The following NAP1L4 variants were observed in gnomAD, a reference collection of about 807,000 sequenced individuals.
The protein encoded by NAP1L4 is nucleosome assembly protein 1-like 4.
NAP1L4 carries 15 observed loss-of-function variants against 58.2 expected under a neutral mutation model. The observed-to-expected ratio is 0.26, with a 90% CI of 0.17 to 0.40. The LOEUF (loss-of-function observed/expected upper bound fraction) is 0.40. NAP1L4 is among the 10% of genes least tolerant of loss of function. The pLI is 1.00. For missense variants in NAP1L4, 384 were observed against 451.1 expected, an observed-to-expected ratio of 0.85 and a Z score of 1.35; for synonymous variants, 171 against 155.6, an observed-to-expected ratio of 1.10 and a Z score of -0.74.
intron 10 of NAP1L4, among the ~76,000 whole-genome samples, chr11:2,957,845 T>C (rs915670810): frequency 1.3e-5 from 2 of 152,172 alleles, no homozygotes; most frequent in Non-Finnish European, 2.9e-5. Flanking sequence ...AATATATAAA[T>C]TCCAAAAAAT....
At position 2,959,028 on chromosome 11, in the gene NAP1L4, C is replaced by T. The variant is rs1422567459; in HGVS notation, c.747-484G>A. The T allele has an allele frequency of 1.2e-5, 2 of 166,176 alleles. No individual in the cohort carries two copies. The highest frequency in any genetic ancestry group is 4.8e-5 in the African/African-American group (2 of 41,568). The allele number at this position is 166,176 out of a possible 1,614,324, so 10.3% of individuals were successfully genotyped here. A position where few individuals can be genotyped will look rare whatever the true frequency, so the allele number is the denominator to read the frequency against. On this transcript the variant is annotated intron_variant, in intron 9 of 15. Transcript: ENST00000380542. The surrounding 1 kb of genome is among the most constrained non-coding windows in gnomAD (Gnocchi z 4.9). ...TGGCGAGGGCTGAGCACAGCACGCT[C>T]TCTCTAACACACAATCACCACAGAC...
rs1247898097 is a variant in NAP1L4 at position 2,948,176 on chromosome 11, C to T, written c.*32+1051G>A. 6.6e-6 allele frequency among the ~76,000 whole-genome samples: 1 copy of T among 152,200 alleles called. No homozygotes were observed. Among genetic ancestry groups the T allele is most frequent in the Non-Finnish European group, 1.5e-5 (1 of 68,032 alleles). On this transcript the variant is annotated intron_variant, in intron 15 of 15. Transcript: ENST00000380542. This position sits in a 1 kb window ranked among gnomAD's most constrained non-coding sequence, Gnocchi z 5.1. ...ATAATTTTAAACATACAGCCATATTCTGAAACCTGGCCCTGGAAAACAAAA... is the reference window on the plus strand; with the variant it reads ...ATAATTTTAAACATACAGCCATATTTTGAAACCTGGCCCTGGAAAACAAAA...
In NAP1L4 at chr11:2,971,333, A is replaced by G. The variant is rs1847625369; in HGVS notation, c.402+115T>C. ...GAATCTAAACCCAACCTAATGATGC[A>G]GCAGCACCTACTGTTAGAAGCACAT... On this transcript the variant is annotated intron_variant, in intron 6 of 15. Coordinates refer to ENST00000380542, the MANE Select transcript of NAP1L4 (RefSeq NM_005969.4). The surrounding 1 kb of genome is among the most constrained non-coding windows in gnomAD (Gnocchi z 4.2). 2.4e-6 allele frequency: 2 copies of G among 832,784 alleles called. No homozygotes were observed. The highest frequency in any genetic ancestry group is 3.4e-5 in the African/African-American group (2 of 58,710). The allele number at this position is 832,784 out of a possible 1,614,324, so 51.6% of individuals were successfully genotyped here. A position where few individuals can be genotyped will look rare whatever the true frequency, so the allele number is the denominator to read the frequency against.
In NAP1L4 at chr11:2,946,856, G is replaced by A. The variant is rs1268283326; in HGVS notation, c.*33-1210C>T. On this transcript the variant is annotated intron_variant, in intron 15 of 15. Coordinates refer to ENST00000380542, the MANE Select transcript of NAP1L4 (RefSeq NM_005969.4). This position sits in a 1 kb window ranked among gnomAD's most constrained non-coding sequence, Gnocchi z 4.8. ...GGTAGACTGAAGGTGGCCCAGTGTA[G>A]TGGCCAAGAACACTGAGCCACTGGC... Among the ~76,000 whole-genome samples, 1 of 152,186 alleles carries A rather than the reference G, an allele frequency of 6.6e-6. No individual in the cohort carries two copies. Among genetic ancestry groups the A allele is most frequent in the Non-Finnish European group, 1.5e-5 (1 of 68,030 alleles).
chr11:2,951,383 A>T lies in NAP1L4; in HGVS notation c.1066-68T>A. On this transcript the variant is annotated intron_variant, in intron 13 of 15. Transcript: ENST00000380542. This position sits in a 1 kb window ranked among gnomAD's most constrained non-coding sequence, Gnocchi z 4.0. The stretch of plus-strand genomic sequence containing the variant: ...AACTCTTGTGGCATTCACAATCCAC[A>T]AACACAAGGAGCAAAACACTGCCTT... 1 of 1,387,190 alleles carries T rather than the reference A, an allele frequency of 7.2e-7. No individual in the cohort carries two copies. Among genetic ancestry groups the T allele is most frequent in the Non-Finnish European group, 1.0e-6 (1 of 974,670 alleles). 85.9% of individuals were successfully genotyped at this position (1,387,190 alleles called of 1,614,324 possible).
Position 2,961,497 on chromosome 11 carries a change from G to A in NAP1L4, c.607-1588C>T, listed in dbSNP as rs371792063. On this transcript the variant is annotated intron_variant, in intron 8 of 15. Transcript: ENST00000380542. ...GCCTATTTCTCTCCCAACCCTCCAC[G>A]GCTTAAAAAAAAAAAAAAAACCAAC... 2.4e-3 allele frequency among the ~76,000 whole-genome samples: 300 copies of A among 122,808 alleles called. 1 individual carries two copies. The highest frequency in any genetic ancestry group is 8.8e-3 in the African/African-American group (270 of 30,658). 80.6% of individuals were successfully genotyped at this position (122,808 alleles called of 152,430 possible).
chr11:2,951,118 C>T lies in NAP1L4; in HGVS notation c.1122+141G>A, dbSNP rs1846201440. On this transcript the variant is annotated intron_variant, in intron 14 of 15. Transcript: ENST00000380542. The surrounding 1 kb of genome is among the most constrained non-coding windows in gnomAD (Gnocchi z 4.0). ...ACACAGTGTCTGAATAATCATTCCA[C>T]TATTTTTCTGACACATTTTAAACTT... 2.8e-6 allele frequency: 2 copies of T among 706,668 alleles called. No homozygotes were observed. Among genetic ancestry groups the T allele is most frequent in the African/African-American group, 1.8e-5 (1 of 56,282 alleles). The allele number at this position is 706,668 out of a possible 1,614,324, so 43.8% of individuals were successfully genotyped here.
chr11:2,985,348 CAG>C (rs1848557496), intron 1 of NAP1L4, among the ~76,000 whole-genome samples: 1 of 152,170 alleles, frequency 6.6e-6, no homozygotes, highest in Admixed American at 6.5e-5. Context: ...ACCCTTAAAA[CAG>C]AAAGTTATAA....
At chr11:2,962,235 A>T (rs1393562020) in intron 8 of NAP1L4, among the ~76,000 whole-genome samples, 1 of 152,274 alleles carries the variant, frequency 6.6e-6, no homozygotes, top group Non-Finnish European at 1.5e-5. Context: ...TGCTGATCAT[A>T]ATGCAACAAT....
intron 7 of NAP1L4, among the ~76,000 whole-genome samples, chr11:2,965,793 G>A (rs1847241681): frequency 6.6e-6 from 1 of 152,186 alleles, no homozygotes; most frequent in Non-Finnish European, 1.5e-5. Flanking sequence ...GCCTCCCAAA[G>A]TGCTGGGATT....
intron 4 of NAP1L4, among the ~76,000 whole-genome samples, chr11:2,973,528 A>G (rs765151142): frequency 2.0e-5 from 3 of 152,134 alleles, no homozygotes; most frequent in Non-Finnish European, 4.4e-5. Flanking sequence ...TCACACACAC[A>G]TATCACTGGT....
intron 10 of NAP1L4, 172 bp downstream of exon 10, chr11:2,958,227 C>T (rs761598771): frequency 1.1e-4 from 79 of 725,756 alleles, no homozygotes; most frequent in Middle Eastern, 2.3e-4. Flanking sequence ...CTGCCCCCCG[C>T]GATAAACTTG....
At chr11:2,968,116 C>T (rs769125327) in intron 7 of NAP1L4, among the ~76,000 whole-genome samples, 3 of 152,152 alleles carry the variant, frequency 2.0e-5, no homozygotes, top group Non-Finnish European at 4.4e-5. Flanking sequence ...AACCAGAATC[C>T]GCACTGCCAT....
rs1846092297 is a variant in NAP1L4 at position 2,949,175 on chromosome 11, A to C, written c.*32+52T>G. ...TCAAAGTCAAAACAATGCATTGTAT[A>C]AAGTATAGATCAGAAGTTTGGAAGT... On this transcript the variant is annotated intron_variant, in intron 15 of 15. Transcript: ENST00000380542. This position sits in a 1 kb window ranked among gnomAD's most constrained non-coding sequence, Gnocchi z 4.0. The C allele has an allele frequency of 7.1e-7, 1 of 1,405,276 alleles. No homozygotes were observed. The highest frequency in any genetic ancestry group is 1.0e-6 in the Non-Finnish European group (1 of 996,488). 87.1% of individuals were successfully genotyped at this position (1,405,276 alleles called of 1,614,324 possible). A position where few individuals can be genotyped will look rare whatever the true frequency, so the allele number is the denominator to read the frequency against.
In NAP1L4 at chr11:2,945,592, C is replaced by G. The variant is rs142484647; in HGVS notation, c.*87G>C. 1.3e-6 allele frequency: 2 copies of G among 1,535,816 alleles called. No individual in the cohort carries two copies. The highest frequency in any genetic ancestry group is 3.9e-5 in the Admixed American group (2 of 50,974). On this transcript the variant is annotated 3_prime_UTR_variant, in exon 16 of 16. Transcript: ENST00000380542. ...GAGTCCCGACAGCCGGTCTGCCAGG[C>G]ACCCGCCTCCGCTTCCTACTGCTGC...
At chr11:2,987,006 T>A (rs1454876028) in intron 1 of NAP1L4, among the ~76,000 whole-genome samples, 1 of 151,950 alleles carries the variant, frequency 6.6e-6, no homozygotes, top group South Asian at 2.1e-4. Flanking sequence ...TCCAAGAGAG[T>A]CTGACCAGCC....
At chr11:2,950,946 T>C in intron 14 of NAP1L4, 1 of 291,930 alleles carries the variant, frequency 3.4e-6, no homozygotes, top group Non-Finnish European at 6.3e-6. Flanking sequence ...TTATTTATGT[T>C]GTCAGTTAAA....
intron 8 of NAP1L4, among the ~76,000 whole-genome samples, chr11:2,964,311 A>G (rs7127443): frequency 0.84 from 128,006 of 152,150 alleles, 54,293 homozygotes; most frequent in African/African-American, 0.94. Flanking sequence ...CTACAAGACC[A>G]AGGCCTGGCA....
At chr11:2,968,681 G>T (rs996537737) in intron 7 of NAP1L4, among the ~76,000 whole-genome samples, 3 of 152,308 alleles carry the variant, frequency 2.0e-5, no homozygotes, top group East Asian at 3.9e-4. Flanking sequence ...AGTTTGCAAC[G>T]CACAGTGCCT....
Sources: allele counts gnomAD v4.1 joint callset (sites outside exome capture counted in the v4.1 genomes callset), GRCh38; gene constraint gnomAD v4.1.1; non-coding constraint Gnocchi (gnomAD v3.1); transcripts MANE v1.5; gene names NCBI Gene and HGNC (gene_info 2026-07-23, HGNC 2026-07-21).